Variants in ZNF142 observed in about 807,000 individuals in gnomAD.
The protein encoded by ZNF142 is zinc finger protein 142 (clone pHZ-49).
ZNF142 carries 96 observed loss-of-function variants against 132.1 expected under a neutral mutation model. The ratio of observed to expected loss-of-function variants is 0.73; its 90% CI spans 0.62 to 0.86. ZNF142 has a LOEUF of 0.86. Among genes scored for constraint, ZNF142 ranks in the 40% least tolerant of loss-of-function variants. ZNF142 has a pLI of 0.00. For synonymous variants in ZNF142, 842 were observed against 890.1 expected (o/e 0.95, Z 0.96); for missense variants, 2,163 against 2,336.2 (o/e 0.93, Z 1.53).
In ZNF142 at chr2:218,648,688, T is replaced by C. The variant is rs755926271; in HGVS notation, c.1820A>G (p.Asn607Ser). The C allele has an allele frequency of 9.9e-6, 16 of 1,614,074 alleles. No individual in the cohort carries two copies. The highest frequency in any genetic ancestry group is 1.4e-5 in the Non-Finnish European group (16 of 1,180,044). ...CACCCTCTTGTGGGCAGTGGCAAAG[T>C]TGCACTCAGGACACTGGTGGATCTT... ...HEKIHQCPECNFATAHKRVLI... is the reference protein window; with the variant it reads ...HEKIHQCPECSFATAHKRVLI... The change falls in exon 7 of 11, where the codon AAC becomes AGC. Residue 607 changes from asparagine to serine, a missense_variant. Asn to Ser is a conservative substitution (Grantham distance 46, BLOSUM62 1). Coordinates refer to ENST00000411696, the MANE Select transcript of ZNF142 (RefSeq NM_001379659.1).
rs1171747622 is a variant in ZNF142 at position 218,659,620 on chromosome 2, G to A, written c.-613C>T. 1.3e-5 allele frequency: 2 copies of A among 152,284 alleles called. No homozygotes were observed. Among genetic ancestry groups the A allele is most frequent in the African/African-American group, 4.8e-5 (2 of 41,444 alleles). 9.4% of individuals were successfully genotyped at this position (152,284 alleles called of 1,614,324 possible). A position where few individuals can be genotyped will look rare whatever the true frequency, so the allele number is the denominator to read the frequency against. On this transcript the variant is annotated 5_prime_UTR_variant, in exon 1 of 11. Coordinates refer to ENST00000411696, the MANE Select transcript of ZNF142 (RefSeq NM_001379659.1). This position sits in a 1 kb window ranked among gnomAD's most constrained non-coding sequence, Gnocchi z 4.4. ...CCATCGAGAGCTCTGGGGTAGAGTG[G>A]CGTGGGCTTCTCTGTGGGTGTGGCG...
At chr2:218,646,479 T>G (rs1697741400) in intron 7 of ZNF142, 131 bp from the exon 8 acceptor site, 11 of 1,016,934 alleles carry the variant, frequency 1.1e-5, no homozygotes, top group Non-Finnish European at 1.4e-5. Flanking sequence ...CCTGAGATGG[T>G]GAAAACCTCA....
chr2:218,634,445 CT>C lies in ZNF142; in HGVS notation c.*3893del. On this transcript the variant is annotated 3_prime_UTR_variant, in exon 11 of 11. Coordinates refer to ENST00000411696, the MANE Select transcript of ZNF142 (RefSeq NM_001379659.1). This position sits in a 1 kb window ranked among gnomAD's most constrained non-coding sequence, Gnocchi z 4.0. ...TGGTGAATCTTGCTCTTCTTTTCTCCTGGGGCCCTCAGTGGCCATGAATATG... is the reference window on the plus strand; with the variant it reads ...TGGTGAATCTTGCTCTTCTTTTCTCCGGGGCCCTCAGTGGCCATGAATATG... 6.2e-7 allele frequency: 1 copy of C among 1,607,752 alleles called. No individual in the cohort carries two copies. Among genetic ancestry groups the C allele is most frequent in the Non-Finnish European group, 8.5e-7 (1 of 1,177,066 alleles).
rs904326266 is a variant in ZNF142 at position 218,646,461 on chromosome 2, A to G, written c.1874-113T>C. 5.7e-6 allele frequency: 7 copies of G among 1,218,380 alleles called. No individual in the cohort carries two copies. The African/African-American group carries it at 1.1e-4, about 18-fold the overall frequency. 75.5% of individuals were successfully genotyped at this position (1,218,380 alleles called of 1,614,324 possible). Reference sequence around the variant, plus strand: ...GATGCCAGGGAGGAACAACAGCTTCATGTGCTACCTGAGATGGTGAAAACC... The same window carrying G: ...GATGCCAGGGAGGAACAACAGCTTCGTGTGCTACCTGAGATGGTGAAAACC... On this transcript the variant is annotated intron_variant, in intron 7 of 10. Coordinates refer to ENST00000411696, the MANE Select transcript of ZNF142 (RefSeq NM_001379659.1).
Position 218,634,992 on chromosome 2 carries a change from C to T in ZNF142, c.*3347G>A, listed in dbSNP as rs866623891. On this transcript the variant is annotated 3_prime_UTR_variant, in exon 11 of 11. Transcript: ENST00000411696. This position sits in a 1 kb window ranked among gnomAD's most constrained non-coding sequence, Gnocchi z 4.0. ...CGATAGCTTACACCTGTAATCCCAGCGCTTTGGAGGCCAAGGCAGGAGGAC... is the reference window on the plus strand; with the variant it reads ...CGATAGCTTACACCTGTAATCCCAGTGCTTTGGAGGCCAAGGCAGGAGGAC... Among the ~76,000 whole-genome samples, 9 of 152,126 alleles carry T rather than the reference C, an allele frequency of 5.9e-5. No individual in the cohort carries two copies. Among genetic ancestry groups the T allele is most frequent in the Non-Finnish European group, 1.0e-4 (7 of 68,014 alleles).
chr2:218,646,776 G>A (rs2106232340), intron 7 of ZNF142, among the ~76,000 whole-genome samples: 1 of 152,146 alleles, frequency 6.6e-6, no homozygotes, highest in Middle Eastern at 3.4e-3. Flanking sequence ...TAGTAGAGAT[G>A]GGGTTTCACC....
rs144427941 is a variant in ZNF142 at position 218,655,990 on chromosome 2, C to T, written c.280+160G>A. On this transcript the variant is annotated intron_variant, in intron 4 of 10. Transcript: ENST00000411696. ...GGCTGTGCACCACTTCGCCAGCCTTCAATCAACATGCACCAACTGCAAACC... is the reference window on the plus strand; with the variant it reads ...GGCTGTGCACCACTTCGCCAGCCTTTAATCAACATGCACCAACTGCAAACC... Among the ~76,000 whole-genome samples the T allele has an allele frequency of 1.2e-4, 18 of 152,332 alleles. No homozygotes were observed. In the East Asian group the frequency reaches 3.5e-3, roughly 29 times the overall value.
Position 218,646,260 on chromosome 2 carries a change from G to T in ZNF142, c.1962C>A (p.Thr654=). Residue 654 remains threonine, a synonymous_variant, in exon 8 of 11, where the codon ACC becomes ACA. Transcript: ENST00000411696. ...LSKHMLTHSN[T]KDYMCTECGY... The stretch of plus-strand genomic sequence containing the variant: ...CACATTCAGTGCACATGTAATCCTT[G>T]GTGTTGGAGTGGGTCAGCATGTGCT... The T allele has an allele frequency of 6.2e-7, 1 of 1,614,188 alleles. No homozygotes were observed.
chr2:218,641,420 A>G (rs1299692195), intron 9 of ZNF142, among the ~76,000 whole-genome samples: 1 of 149,120 alleles, frequency 6.7e-6, no homozygotes, highest in African/African-American at 2.5e-5. Context: ...AATTTTTTGT[A>G]TTTTTAGTAG....
intron 10 of ZNF142, among the ~76,000 whole-genome samples, chr2:218,640,374 G>GT (rs1432586217): frequency 3.3e-5 from 5 of 152,182 alleles, no homozygotes; most frequent in Non-Finnish European, 7.4e-5. Context: ...AGTCATACAA[G>GT]TTTGAGTTGG....
intron 7 of ZNF142, among the ~76,000 whole-genome samples, chr2:218,647,422 C>CAAAAAAAAAAGTAAAAA (rs1321385846): frequency 5.2e-5 from 2 of 38,650 alleles, no homozygotes; most frequent in Non-Finnish European, 9.3e-5. Context: ...GACTCCATCT[C>CAAAAAAAAAAGTAAAAA]AAAAAAAAAA....
In ZNF142 at chr2:218,642,774, A is replaced by C. The variant is rs542105224; in HGVS notation, c.4342T>G (p.Leu1448Val). ...GTAGGTGTTTTGTCATGTACCCTTA[A>C]CCGGTGCAAGCGCAGTTTCGAGTTG... ...GTNSKLRLHR[L>V]RVHDKTPTHF... Residue 1448 changes from leucine (L) to valine (V), a missense_variant, in exon 9 of 11, where the codon TTA becomes GTA. By Grantham distance (32) the Leu-to-Val change is conservative. Transcript: ENST00000411696. This position sits in a 1 kb window ranked among gnomAD's most constrained non-coding sequence, Gnocchi z 4.6. 1.9e-6 allele frequency: 3 copies of C among 1,614,044 alleles called. No individual in the cohort carries two copies. In the Admixed American group the frequency reaches 5.0e-5, roughly 27 times the overall value.
rs2106222874 is a variant in ZNF142, at chr2:218,645,045, A to G, written c.2071T>C (p.Ser691Pro). Residue 691 changes from serine (S) to proline (P), a missense_variant, in exon 9 of 11, where the codon TCC (serine) becomes CCC (proline). Physicochemically the swap from Ser to Pro is moderately conservative, Grantham distance 74. Around this residue, in one of 7 missense-constraint regions of ZNF142, gnomAD observed 749 missense variants for 830.3 expected, o/e 0.90. Transcript: ENST00000411696. ...GDLRYQCNQC[S>P]YRCHRADQLS... ...TGATCAGCCCGGTGACAGCGATAGGAGCACTGGTTGCACTGATACCTGGCA... is the reference window on the plus strand; with the variant it reads ...TGATCAGCCCGGTGACAGCGATAGGGGCACTGGTTGCACTGATACCTGGCA... The G allele has an allele frequency of 6.2e-7, 1 of 1,612,076 alleles. No homozygotes were observed. Among genetic ancestry groups the G allele is most frequent in the Non-Finnish European group, 8.5e-7 (1 of 1,178,666 alleles).
intron 10 of ZNF142, 81 bp from the exon 11 acceptor site, chr2:218,638,889 T>C (rs1170077011): frequency 8.7e-7 from 1 of 1,147,356 alleles, no homozygotes. Context: ...AATCAGTGGA[T>C]ATAAAGAATG....
rs1315656267 is a variant in ZNF142 at position 218,643,622 on chromosome 2, G to A, written c.3494C>T (p.Pro1165Leu). 1 of 1,555,802 alleles carries A rather than the reference G, an allele frequency of 6.4e-7. No individual in the cohort carries two copies. The highest frequency in any genetic ancestry group is 8.7e-7 in the Non-Finnish European group (1 of 1,153,274). Residue 1165 changes from proline (P) to leucine (L), a missense_variant, in exon 9 of 11, where the codon CCT becomes CTT. By Grantham distance (98) the Pro-to-Leu change is moderately conservative (BLOSUM62 -3). This residue lies in a region of ZNF142 where 809 missense variants were observed against 801.7 expected (regional missense o/e 1.01). Transcript: ENST00000411696. ...TGTGGGCAAGGAGTTTCCTGCAGGA[G>A]GGACTGGGGAACCAGAGACTGTGGC... is the stretch of plus-strand genomic sequence containing the variant. ...PLATVSGSPV[P>L]PAGNSLPTEA...
At position 218,643,366 on chromosome 2, in the gene ZNF142, C is replaced by T. The variant is rs61733642; in HGVS notation, c.3750G>A (p.Arg1250=). 4.0e-5 allele frequency: 64 copies of T among 1,614,206 alleles called. No individual in the cohort carries two copies. The African/African-American group carries it at 6.3e-4, about 16-fold the overall frequency. The change falls in exon 9 of 11, where the codon AGG becomes AGA. Residue 1250 remains arginine (R), a synonymous_variant. Transcript: ENST00000411696. ...SITSHVAEGC[R]GGRGGGGKRG... is the part of the protein sequence containing the mutation. Reference sequence around the variant, plus strand: ...GTTTTCCTCCCCCGCCACGTCCCCCCCTGCAGCCTTCAGCCACGTGAGAGG... The same window carrying T: ...GTTTTCCTCCCCCGCCACGTCCCCCTCTGCAGCCTTCAGCCACGTGAGAGG...
intron 10 of ZNF142, among the ~76,000 whole-genome samples, chr2:218,639,760 A>G (rs1323423028): frequency 4.8e-5 from 7 of 146,488 alleles, no homozygotes; most frequent in Non-Finnish European, 9.0e-5. Flanking sequence ...AAAGTAAAAG[A>G]AATACTTAGG....
At position 218,635,603 on chromosome 2, in the gene ZNF142, G is replaced by A. The variant is rs1319006784; in HGVS notation, c.*2736C>T. Among the ~76,000 whole-genome samples the A allele has an allele frequency of 6.6e-6, 1 of 152,198 alleles. No homozygotes were observed. The highest frequency in any genetic ancestry group is 1.5e-5 in the Non-Finnish European group (1 of 68,040). On this transcript the variant is annotated 3_prime_UTR_variant, in exon 11 of 11. Transcript: ENST00000411696. ...CCACCTCGGCCTCCTGAAGTGTTGG[G>A]ATTACAGGTGTGAGCCACCGTGCCC...
chr2:218,645,083 G>C lies in ZNF142; in HGVS notation c.2052-19C>G. 1 of 1,600,746 alleles carries C rather than the reference G, an allele frequency of 6.2e-7. No individual in the cohort carries two copies. The highest frequency in any genetic ancestry group is 8.5e-7 in the Non-Finnish European group (1 of 1,171,394). ...CTGATACCTGGCAAGGAGGGAAAGG[G>C]GGAGGCAATCACAATAATTAATCAC... On this transcript the variant is annotated intron_variant, in intron 8 of 10. Coordinates refer to ENST00000411696, the MANE Select transcript of ZNF142 (RefSeq NM_001379659.1).
Sources: gnomAD v4.1 joint callset for allele counts (sites outside exome capture counted in the v4.1 genomes callset) on GRCh38, gnomAD v4.1.1 for gene constraint, gnomAD v4.1.1 regional missense constraint, Gnocchi (gnomAD v3.1) non-coding constraint, MANE v1.5 for transcripts, NCBI Gene and HGNC (gene_info 2026-07-23, HGNC 2026-07-21) for gene names.